Variants in MAML3 observed in about 807,000 individuals in gnomAD.
MAML3 encodes mastermind like transcriptional coactivator 3.
MAML3 carries 27 observed loss-of-function variants against 101.9 expected under a neutral mutation model. That is an observed-to-expected ratio of 0.27 (90% CI 0.20 to 0.37). The LOEUF (loss-of-function observed/expected upper bound fraction) is 0.37. Among genes scored for constraint, MAML3 ranks in the 10% least tolerant of loss-of-function variants. The probability of loss-of-function intolerance (pLI) is 1.00; values close to 1 mark genes in which losing one functional copy is unlikely to be tolerated. For synonymous variants in MAML3, 501 were observed against 555.9 expected, an observed-to-expected ratio of 0.90 and a Z score of 1.39; for missense variants, 1,316 against 1,444.9, an observed-to-expected ratio of 0.91 and a Z score of 1.45.
At chr4:139,806,657 G>A (rs1341809968) in intron 2 of MAML3, among the ~76,000 whole-genome samples, 1 of 152,146 alleles carries the variant, frequency 6.6e-6, no homozygotes, top group Non-Finnish European at 1.5e-5. Flanking sequence ...TTAAAAGGAT[G>A]TTCGTAAACA....
At chr4:139,817,012 G>A (rs995102686) in intron 2 of MAML3, among the ~76,000 whole-genome samples, 1 of 152,126 alleles carries the variant, frequency 6.6e-6, no homozygotes, top group Non-Finnish European at 1.5e-5. Context: ...CTTCTAGTTT[G>A]TCGCCTGTGT....
chr4:139,816,765 T>C (rs1401474460), intron 2 of MAML3, among the ~76,000 whole-genome samples: 1 of 152,004 alleles, frequency 6.6e-6, no homozygotes, highest in Non-Finnish European at 1.5e-5. Flanking sequence ...AACCTCTGCT[T>C]GGTTCTAGAA....
At chr4:139,921,383 C>T (rs1233504771) in intron 1 of MAML3, among the ~76,000 whole-genome samples, 1 of 152,148 alleles carries the variant, frequency 6.6e-6, no homozygotes, top group Non-Finnish European at 1.5e-5. Context: ...TCCTGAGCTG[C>T]TCACTATCGC....
intron 1 of MAML3, among the ~76,000 whole-genome samples, chr4:140,041,603 C>T (rs549050136): frequency 3.0e-4 from 46 of 151,820 alleles, no homozygotes; most frequent in African/African-American, 1.1e-3. Context: ...CCTGGGCAAC[C>T]GAGTGAGACA....
chr4:139,741,066 C>T (rs1729149509), intron 2 of MAML3, among the ~76,000 whole-genome samples: 1 of 152,170 alleles, frequency 6.6e-6, no homozygotes, highest in African/African-American at 2.4e-5. Flanking sequence ...GAGGGCTACC[C>T]TTTTCCCCAC....
chr4:140,060,185 G>A (rs1727420264), intron 1 of MAML3, among the ~76,000 whole-genome samples: 1 of 151,728 alleles, frequency 6.6e-6, no homozygotes, highest in Non-Finnish European at 1.5e-5. Flanking sequence ...GGTCAACACG[G>A]TGAAACCCAG....
At chr4:139,998,225 A>G (rs1734855582) in intron 1 of MAML3, among the ~76,000 whole-genome samples, 1 of 152,142 alleles carries the variant, frequency 6.6e-6, no homozygotes, top group Admixed American at 6.6e-5. Flanking sequence ...GATAATTTCT[A>G]TTGATCTATC....
chr4:140,134,013 C>T (rs1290153148), intron 1 of MAML3: 2 of 418,512 alleles, frequency 4.8e-6, no homozygotes, highest in Non-Finnish European at 9.6e-6. Flanking sequence ...ATTCCATACT[C>T]ATCCCTTCTG....
chr4:140,118,454 G>T (rs1728550929), intron 1 of MAML3, among the ~76,000 whole-genome samples: 1 of 152,110 alleles, frequency 6.6e-6, no homozygotes, highest in African/African-American at 2.4e-5. Flanking sequence ...AATAAACAAT[G>T]AAAATGAGGA....
intron 1 of MAML3, among the ~76,000 whole-genome samples, chr4:140,020,668 GA>G (rs1286552947): frequency 6.6e-6 from 1 of 152,108 alleles, no homozygotes; most frequent in African/African-American, 2.4e-5. Context: ...TGAGGGAATG[GA>G]AGAGTGCTGA....
intron 2 of MAML3, among the ~76,000 whole-genome samples, chr4:139,772,810 T>C (rs1244876047): frequency 6.6e-6 from 1 of 151,250 alleles, no homozygotes; most frequent in African/African-American, 2.4e-5. Flanking sequence ...GAATAAAGTA[T>C]TGCTCACGCC....
intron 2 of MAML3, among the ~76,000 whole-genome samples, chr4:139,779,241 T>TGG (rs199822269): frequency 1.3e-5 from 2 of 151,980 alleles, no homozygotes; most frequent in Admixed American, 6.6e-5. Context: ...GAATAGTCTT[T>TGG]GGGGGGGCTC....
At chr4:140,135,303 T>C (rs1200404061) in intron 1 of MAML3, among the ~76,000 whole-genome samples, 2 of 152,204 alleles carry the variant, frequency 1.3e-5, no homozygotes, top group Non-Finnish European at 2.9e-5. Context: ...ATTTTAGCTA[T>C]TTAAGCCTTA....
intron 2 of MAML3, among the ~76,000 whole-genome samples, chr4:139,859,965 C>G (rs895685262): frequency 1.3e-5 from 2 of 152,322 alleles, no homozygotes; most frequent in East Asian, 1.9e-4. Flanking sequence ...CCGGAGTGAC[C>G]GGACGAAGGC....
chr4:139,812,631 A>T (rs1054985562), intron 2 of MAML3, among the ~76,000 whole-genome samples: 16 of 152,320 alleles, frequency 1.1e-4, no homozygotes, highest in African/African-American at 3.8e-4. Flanking sequence ...ACTGGCAGCC[A>T]CTGGCAGCCA....
chr4:139,826,077 C>T (rs972088971), intron 2 of MAML3, among the ~76,000 whole-genome samples: 1 of 151,922 alleles, frequency 6.6e-6, no homozygotes, highest in Admixed American at 6.6e-5. Context: ...CTGGGCTGGC[C>T]TCTTCACTGG....
rs57126361 is a variant in MAML3 at position 140,074,199 on chromosome 4, GAGAAAGAAAGAAAGAAAGAAAGAA to G, written c.468+78637_468+78660del. Among the ~76,000 whole-genome samples, 343 of 82,042 alleles carry G rather than the reference GAGAAAGAAAGAAAGAAAGAAAGAA, an allele frequency of 4.2e-3. 2 individuals are homozygous for G. The highest frequency in any genetic ancestry group is 7.7e-3 in the African/African-American group (179 of 23,204). 53.8% of individuals were successfully genotyped at this position (82,042 alleles called of 152,430 possible). On this transcript the variant is annotated intron_variant, in intron 1 of 4. Transcript: ENST00000509479. ...AGAAAGAGAGAGAGAGAGAAAGAAAGAGAAAGAAAGAAAGAAAGAAAGAAAGAAAGAAAGAAAGAAAGAAAGAAA... is the reference window on the plus strand; with the variant it reads ...AGAAAGAGAGAGAGAGAGAAAGAAAGAGAAAGAAAGAAAGAAAGAAAGAAA...
At chr4:140,113,753 G>A (rs1251178011) in intron 1 of MAML3, among the ~76,000 whole-genome samples, 1 of 152,194 alleles carries the variant, frequency 6.6e-6, no homozygotes, top group Non-Finnish European at 1.5e-5. Flanking sequence ...GTCTACCCAA[G>A]TGAAGTGACC....
At chr4:139,784,437 G>A (rs1009385871) in intron 2 of MAML3, among the ~76,000 whole-genome samples, 19 of 152,088 alleles carry the variant, frequency 1.2e-4, no homozygotes, top group African/African-American at 3.6e-4. Flanking sequence ...CAGGGCTCTG[G>A]GCTTACTTGC....
Sources: gnomAD v4.1 joint callset for allele counts (sites outside exome capture counted in the v4.1 genomes callset) on GRCh38, gnomAD v4.1.1 for gene constraint, MANE v1.5 for transcripts, NCBI Gene and HGNC (gene_info 2026-07-23, HGNC 2026-07-21) for gene names.